DNAJC24: variants seen among roughly 807,000 people sequenced by gnomAD.
DNAJC24 encodes DnaJ heat shock protein family (Hsp40) member C24.
DNAJC24 carries 17 observed loss-of-function variants against 18.0 expected under a neutral mutation model. The ratio of observed to expected loss-of-function variants is 0.94; its 90% CI spans 0.65 to 1.42. The LOEUF is 1.42. DNAJC24 is among the 40% of genes most tolerant of loss of function. The pLI is 0.00. For missense variants in DNAJC24, 158 were observed against 175.6 expected, an observed-to-expected ratio of 0.90 and a Z score of 0.57; for synonymous variants, 55 against 57.7, an observed-to-expected ratio of 0.95 and a Z score of 0.21.
At chr11:31,428,090 G>C (rs1952882243) in intron 4 of DNAJC24, 1 of 151,808 alleles carries the variant, frequency 6.6e-6, no homozygotes, top group Admixed American at 6.6e-5. Context: ...TTAAGCATCT[G>C]TCCAGTCAAT....
chr11:31,384,962 G>A (rs1163583030), intron 2 of DNAJC24: 1 of 152,002 alleles, frequency 6.6e-6, no homozygotes, highest in African/African-American at 2.4e-5. Context: ...ACTGTTTTTA[G>A]GAATAATAGT....
At chr11:31,396,541 C>G (rs1184996857) in intron 2 of DNAJC24, 4 of 220,318 alleles carry the variant, frequency 1.8e-5, no homozygotes, top group Non-Finnish European at 2.8e-5. Context: ...TCCCCTGCTT[C>G]CTATGTTTCC....
At chr11:31,404,676 T>A (rs1455503642) in intron 2 of DNAJC24, among the ~76,000 whole-genome samples, 1 of 152,188 alleles carries the variant, frequency 6.6e-6, no homozygotes, top group East Asian at 1.9e-4. Flanking sequence ...CCTCAAGCAA[T>A]AGTGATTATT....
In DNAJC24 at chr11:31,415,097, C is replaced by T. The variant is rs1952741517; in HGVS notation, c.250+148C>T. ...CTCCATCACTGTTTTTAATTATGCC[C>T]TATTCTTAGCAGTGACTATTGTGTA... is the stretch of plus-strand genomic sequence containing the variant. On this transcript the variant is annotated intron_variant, in intron 3 of 4. Transcript: ENST00000465995. 6.1e-6 allele frequency: 5 copies of T among 817,518 alleles called. No individual in the cohort carries two copies. The East Asian group carries it at 1.1e-4, about 18-fold the overall frequency. The allele number at this position is 817,518 out of a possible 1,614,324, so 50.6% of individuals were successfully genotyped here. A position where few individuals can be genotyped will look rare whatever the true frequency, so the allele number is the denominator to read the frequency against.
intron 2 of DNAJC24, among the ~76,000 whole-genome samples, chr11:31,414,132 A>G (rs953242703): frequency 5.3e-5 from 8 of 152,176 alleles, no homozygotes; most frequent in African/African-American, 1.9e-4. Context: ...ATTGAAAACA[A>G]AAATTTTTAG....
At chr11:31,376,595 C>G (rs483534) in intron 2 of DNAJC24, among the ~76,000 whole-genome samples, 63,778 of 152,000 alleles carry the variant, frequency 0.42, 14,388 homozygotes, top group African/African-American at 0.58. Context: ...TGAAGGCTTA[C>G]TTACAGTTAA....
At chr11:31,373,284 A>C (rs572078545) in intron 2 of DNAJC24, among the ~76,000 whole-genome samples, 3 of 134,204 alleles carry the variant, frequency 2.2e-5, no homozygotes, top group African/African-American at 7.4e-5. Context: ...AGAAGTGGTC[A>C]TTTGCTTTTA....
At chr11:31,401,953 G>A (rs1952605051) in intron 2 of DNAJC24, among the ~76,000 whole-genome samples, 1 of 152,160 alleles carries the variant, frequency 6.6e-6, no homozygotes, top group Non-Finnish European at 1.5e-5. Flanking sequence ...ACATTACGGA[G>A]CCAAATTCTG....
chr11:31,416,993 C>T (rs1952756553), intron 3 of DNAJC24: 1 of 152,068 alleles, frequency 6.6e-6, no homozygotes, highest in Admixed American at 6.6e-5. Context: ...GAAGTTTAGA[C>T]AAAGTAAATA....
At chr11:31,429,030 G>A (rs537717439) in intron 4 of DNAJC24, among the ~76,000 whole-genome samples, 2 of 152,188 alleles carry the variant, frequency 1.3e-5, no homozygotes, top group South Asian at 2.1e-4. Flanking sequence ...GTTAGAATAT[G>A]TATCTTTTTA....
chr11:31,385,891 C>A (rs1952425150), intron 2 of DNAJC24, among the ~76,000 whole-genome samples: 1 of 152,186 alleles, frequency 6.6e-6, no homozygotes, highest in Non-Finnish European at 1.5e-5. Context: ...ATCTCTCCCC[C>A]ATCCCCCTGC....
chr11:31,405,361 C>T (rs1457100221), intron 2 of DNAJC24, among the ~76,000 whole-genome samples: 1 of 150,860 alleles, frequency 6.6e-6, no homozygotes, highest in Non-Finnish European at 1.5e-5. Flanking sequence ...TGAGCCACCG[C>T]ACCCAGCCAG....
intron 2 of DNAJC24, among the ~76,000 whole-genome samples, chr11:31,399,739 CT>C (rs757871094): frequency 0.36 from 35,216 of 97,170 alleles, 5,394 homozygotes; most frequent in African/African-American, 0.48. Context: ...ACTGTTTTTT[CT>C]TTTTTTTTTT....
intron 2 of DNAJC24, among the ~76,000 whole-genome samples, chr11:31,384,204 C>G (rs1952406080): frequency 6.6e-6 from 1 of 152,144 alleles, no homozygotes; most frequent in Non-Finnish European, 1.5e-5. Flanking sequence ...AGTCTACCTC[C>G]CATTAAGGCA....
At chr11:31,385,989 G>A (rs558345014) in intron 2 of DNAJC24, among the ~76,000 whole-genome samples, 39 of 152,186 alleles carry the variant, frequency 2.6e-4, no homozygotes, top group Non-Finnish European at 5.6e-4. Context: ...CAGTGCTGCT[G>A]TGTCACAGCG....
chr11:31,416,040 C>G (rs1174623478), intron 3 of DNAJC24: 1 of 152,210 alleles, frequency 6.6e-6, no homozygotes, highest in Non-Finnish European at 1.5e-5. Context: ...TGTGGAAAGA[C>G]TTGAACTGTT....
intron 4 of DNAJC24, chr11:31,429,349 T>C (rs1438576001): frequency 4.3e-6 from 1 of 232,570 alleles, no homozygotes; most frequent in Admixed American, 4.0e-5. Context: ...TGATGCGATC[T>C]AAGTATTAAT....
In DNAJC24 at chr11:31,381,661, G is replaced by A. The variant is rs149697957; in HGVS notation, c.111+10802G>A. Among the ~76,000 whole-genome samples the A allele has an allele frequency of 5.7e-3, 860 of 149,824 alleles. 8 individuals carry two copies. Among genetic ancestry groups the A allele is most frequent in the African/African-American group, 0.02 (826 of 40,616 alleles). On this transcript the variant is annotated intron_variant, in intron 2 of 4. Coordinates refer to ENST00000465995, the MANE Select transcript of DNAJC24 (RefSeq NM_181706.5). ...GTTATCTCAGCTCATTGCAACCTCC[G>A]CCTTCCCAGTTCAAGCAATTCTCCT... is the stretch of plus-strand genomic sequence containing the variant.
chr11:31,397,734 G>T (rs894164477), intron 2 of DNAJC24, among the ~76,000 whole-genome samples: 2 of 151,838 alleles, frequency 1.3e-5, no homozygotes, highest in African/African-American at 4.8e-5. Flanking sequence ...CTCACCAACT[G>T]TTTAACAGCT....
Sources: gnomAD v4.1 joint callset for allele counts (sites outside exome capture counted in the v4.1 genomes callset) on GRCh38, gnomAD v4.1.1 for gene constraint, MANE v1.5 for transcripts, NCBI Gene and HGNC (gene_info 2026-07-23, HGNC 2026-07-21) for gene names.